Variants in EYS observed in about 807,000 individuals in gnomAD.
The protein encoded by EYS is EGF-like photoreceptor maintenance factor.
Under a neutral mutation model 282.1 loss-of-function variants are expected in EYS, and 250 were observed. The observed-to-expected ratio is 0.89, with a 90% CI of 0.80 to 0.98. The LOEUF is 0.98. EYS is among the 50% of genes least tolerant of loss of function. The pLI is 0.00. For missense variants in EYS, 4,016 were observed against 3,709.0 expected (o/e 1.08, Z -2.15); for synonymous variants, 1,355 against 1,282.9 (o/e 1.06, Z -1.20).
chr6:65,417,489 T>C (rs974959422), intron 5 of EYS, among the ~76,000 whole-genome samples: 18 of 152,040 alleles, frequency 1.2e-4, no homozygotes, highest in African/African-American at 1.7e-4. Context: ...TGCAAGGAGA[T>C]TAAAACCCAA....
At chr6:63,874,749 C>T (rs1193393386) in intron 35 of EYS, among the ~76,000 whole-genome samples, 5 of 152,170 alleles carry the variant, frequency 3.3e-5, no homozygotes, top group Admixed American at 3.3e-4. Context: ...AATGGGAGTT[C>T]ACTCATGATT....
chr6:65,250,153 A>G (rs1238951461), intron 12 of EYS, among the ~76,000 whole-genome samples: 2 of 152,078 alleles, frequency 1.3e-5, no homozygotes, highest in Non-Finnish European at 2.9e-5. Flanking sequence ...GTCAAGTGCA[A>G]CTGAATGGAT....
chr6:64,245,760 A>G (rs1200745433), intron 30 of EYS, among the ~76,000 whole-genome samples: 2 of 152,142 alleles, frequency 1.3e-5, no homozygotes, highest in African/African-American at 4.8e-5. Flanking sequence ...CATTACTCCA[A>G]AGAGGATTTG....
intron 30 of EYS, among the ~76,000 whole-genome samples, chr6:64,276,625 G>A (rs768991741): frequency 8.2e-4 from 125 of 152,122 alleles, no homozygotes; most frequent in Non-Finnish European, 1.5e-3. Context: ...AGACGGTAAT[G>A]CTAGACATGT....
At chr6:64,524,494 T>A (rs993221980) in intron 26 of EYS, among the ~76,000 whole-genome samples, 1 of 151,952 alleles carries the variant, frequency 6.6e-6, no homozygotes, top group Non-Finnish European at 1.5e-5. Context: ...ATCCCATTTG[T>A]CAATTTTTGC....
chr6:65,254,705 G>A (rs986713261), intron 12 of EYS, among the ~76,000 whole-genome samples: 1 of 151,668 alleles, frequency 6.6e-6, no homozygotes, highest in African/African-American at 2.4e-5. Flanking sequence ...AGTTATGTAG[G>A]GCTGTTAATA....
intron 22 of EYS, among the ~76,000 whole-genome samples, chr6:64,763,070 A>G (rs2149979949): frequency 6.6e-6 from 1 of 152,276 alleles, no homozygotes; most frequent in South Asian, 2.1e-4. Context: ...TGCCATGGTC[A>G]TTCTTTAACA....
chr6:65,067,840 AT>A (rs1773791899), intron 12 of EYS, among the ~76,000 whole-genome samples: 1 of 152,080 alleles, frequency 6.6e-6, no homozygotes, highest in South Asian at 2.1e-4. Context: ...ATCTTCTGTT[AT>A]TTACATGTTA....
chr6:65,676,349 A>G (rs1335815734), intron 1 of EYS, among the ~76,000 whole-genome samples: 1 of 151,754 alleles, frequency 6.6e-6, no homozygotes, highest in African/African-American at 2.4e-5. Flanking sequence ...ACAAAAAGAG[A>G]GAGTATTGAA....
intron 5 of EYS, among the ~76,000 whole-genome samples, chr6:65,470,847 T>C (rs929590340): frequency 2.0e-5 from 3 of 152,040 alleles, no homozygotes; most frequent in African/African-American, 7.2e-5. Context: ...GATGTGGATA[T>C]AGTGTTTAGT....
chr6:64,218,368 CAG>C (rs35578860), intron 31 of EYS, among the ~76,000 whole-genome samples: 85,359 of 151,768 alleles, frequency 0.56, 25,657 homozygotes, highest in Non-Finnish European at 0.68. Flanking sequence ...TAAAGACAGA[CAG>C]AGACATTCCT....
rs79195911 is a variant in EYS at position 65,040,022 on chromosome 6, A to T, written c.2137+17592T>A. ...GATCTTAAGAGACTTGCACTTTCTG[A>T]TTCTTTCCTCTTAAAATAGTTGCTC... On this transcript the variant is annotated intron_variant, in intron 13 of 42. Coordinates refer to ENST00000503581, the MANE Select transcript of EYS (RefSeq NM_001142800.2). Among the ~76,000 whole-genome samples the T allele has an allele frequency of 9.6e-3, 1,462 of 151,700 alleles. 18 individuals carry two copies. Among genetic ancestry groups the T allele is most frequent in the African/African-American group, 0.034 (1,405 of 41,482 alleles).
In EYS at chr6:63,721,242, TC is replaced by T. The variant is rs1561993898; in HGVS notation, c.8788del (p.Asp2930ThrfsTer45). ...LCLHQSLCIP[D>X]QSFSYSCLCT... ...CAGGCAACTGTAAGAAAATGATTGG[TC>T]AGGTATACATAAAGATTGGTGGAGG... On this transcript the variant is annotated frameshift_variant, in exon 43 of 43. Coordinates refer to ENST00000503581, the MANE Select transcript of EYS (RefSeq NM_001142800.2). LOFTEE classifies it high-confidence loss of function. 6.4e-7 allele frequency: 1 copy of T among 1,551,816 alleles called. No individual in the cohort carries two copies. The highest frequency in any genetic ancestry group is 8.7e-7 in the Non-Finnish European group (1 of 1,146,944).
chr6:65,505,594 T>C (rs1439780417), intron 2 of EYS, among the ~76,000 whole-genome samples: 1 of 152,088 alleles, frequency 6.6e-6, no homozygotes, highest in Non-Finnish European at 1.5e-5. Context: ...CCAGTTATAG[T>C]TTCATTTTCA....
At chr6:64,176,111 G>A (rs553716785) in intron 31 of EYS, among the ~76,000 whole-genome samples, 1 of 152,110 alleles carries the variant, frequency 6.6e-6, no homozygotes, top group Admixed American at 6.6e-5. Flanking sequence ...CTTGTTGCTG[G>A]CAAATCAGTA....
chr6:64,619,300 G>A (rs1312129181), intron 23 of EYS, among the ~76,000 whole-genome samples: 1 of 152,118 alleles, frequency 6.6e-6, no homozygotes, highest in Non-Finnish European at 1.5e-5. Flanking sequence ...ACATGATAAA[G>A]CTTTAAACCA....
chr6:65,555,302 T>C (rs1768753970), intron 2 of EYS, among the ~76,000 whole-genome samples: 1 of 152,144 alleles, frequency 6.6e-6, no homozygotes, highest in Non-Finnish European at 1.5e-5. Flanking sequence ...CTTTAATAGA[T>C]TTATAAATTA....
chr6:64,908,672 C>T (rs772538852), intron 16 of EYS, among the ~76,000 whole-genome samples: 8 of 152,056 alleles, frequency 5.3e-5, no homozygotes, highest in Non-Finnish European at 1.0e-4. Context: ...CCTGTACAAC[C>T]TGAAGTCAGG....
At chr6:64,910,086 T>C (rs188772175) in intron 16 of EYS, among the ~76,000 whole-genome samples, 76 of 152,274 alleles carry the variant, frequency 5.0e-4, no homozygotes, top group African/African-American at 1.7e-3. Context: ...TCTTACGACC[T>C]GTCCTATTTT....
Sources: gnomAD v4.1 joint callset for allele counts (sites outside exome capture counted in the v4.1 genomes callset) on GRCh38, gnomAD v4.1.1 for gene constraint, MANE v1.5 for transcripts, NCBI Gene and HGNC (gene_info 2026-07-23, HGNC 2026-07-21) for gene names.